Variants in NHSL2 observed in about 807,000 individuals in gnomAD.
NHSL2 encodes NHS like 2, also known as NHS-like protein 2.
NHSL2 carries 27 observed loss-of-function variants against 53.4 expected under a neutral mutation model. The observed-to-expected ratio is 0.51, with a 90% confidence interval of 0.37 to 0.70. The LOEUF is 0.70. Among genes scored for constraint, NHSL2 ranks in the 30% least tolerant of loss-of-function variants. The pLI is 0.00. For synonymous variants in NHSL2, 408 were observed against 404.1 expected (o/e 1.01, Z -0.12); for missense variants, 892 against 980.1 (o/e 0.91, Z 1.20).
Position 72,139,663 on chromosome X carries a change from C to G in NHSL2, c.2115C>G (p.Pro705=). The change falls in exon 6 of 8, where the codon CCC becomes CCG. Residue 705 remains proline (P), a synonymous_variant. Coordinates refer to ENST00000633930, the MANE Select transcript of NHSL2 (RefSeq NM_001013627.3). ...EAREISSPGR[P]PGLMSPSSGY... ...GGGAGATATCATCCCCGGGAAGGCC[C>G]CCTGGACTGATGTCACCCTCCAGTG... The G allele has an allele frequency of 8.3e-7, 1 of 1,211,295 alleles. No individual in the cohort carries two copies. The highest frequency in any genetic ancestry group is 1.7e-5 in the African/African-American group (1 of 57,689).
chrX:72,110,364 C>T (rs1282954161), intron 1 of NHSL2, among the ~76,000 whole-genome samples: 1 of 110,928 alleles, frequency 9.0e-6, no homozygotes, highest in Non-Finnish European at 1.9e-5. Flanking sequence ...CTGGGAGCTC[C>T]CTAAGGACAG....
chrX:72,126,690 T>TA (rs767989972), intron 1 of NHSL2, among the ~76,000 whole-genome samples: 1 of 111,697 alleles, frequency 9.0e-6, no homozygotes, highest in South Asian at 3.7e-4. Context: ...GAGGGCCTCT[T>TA]ACATGGACTG....
At chrX:72,126,782 C>G (rs2042230422) in intron 1 of NHSL2, among the ~76,000 whole-genome samples, 1 of 112,049 alleles carries the variant, frequency 8.9e-6, no homozygotes. Flanking sequence ...GAAGGGCCCT[C>G]CCCAGCCAAC....
chrX:72,007,635 A>G (rs1281375148), intron 1 of NHSL2, among the ~76,000 whole-genome samples: 1 of 113,232 alleles, frequency 8.8e-6, no homozygotes, highest in Non-Finnish European at 1.9e-5. Flanking sequence ...AGCTCATTTG[A>G]TCTTTACTGC....
intron 1 of NHSL2, chrX:72,131,375 A>T: frequency 3.3e-6 from 4 of 1,210,608 alleles, no homozygotes; most frequent in Non-Finnish European, 4.5e-6. Context: ...GGTACTGGCC[A>T]GCGGATGTAG....
rs1168721951 is a variant in NHSL2 at position 72,117,948 on chromosome X, G to A, written c.281-14131G>A. On this transcript the variant is annotated intron_variant, in intron 1 of 7. Transcript: ENST00000633930. The stretch of plus-strand genomic sequence containing the variant: ...TATGAACATTCATGTTCAAGTTTTT[G>A]TGTGGACATATGTTTCCAATTCTCT... Among the ~76,000 whole-genome samples the A allele has an allele frequency of 1.0e-4, 11 of 110,020 alleles. No homozygotes were observed. The East Asian group carries it at 3.1e-3, about 31-fold the overall frequency.
chrX:72,041,931 G>A (rs2042276307), intron 1 of NHSL2, among the ~76,000 whole-genome samples: 1 of 112,081 alleles, frequency 8.9e-6, no homozygotes, highest in African/African-American at 3.2e-5. Flanking sequence ...GAGGTCGTGC[G>A]CTCGGGAGCC....
At chrX:72,127,815 A>G (rs959698054) in intron 1 of NHSL2, 1 of 113,174 alleles carries the variant, frequency 8.8e-6, no homozygotes, top group African/African-American at 3.2e-5. Flanking sequence ...GAGAATGCTT[A>G]AATGAATTAT....
intron 1 of NHSL2, among the ~76,000 whole-genome samples, chrX:72,079,036 CTCTT>C (rs2041767859): frequency 8.9e-6 from 1 of 112,316 alleles, no homozygotes; most frequent in Non-Finnish European, 1.9e-5. Context: ...CACGCTGAGT[CTCTT>C]TCCACCCTGT....
At chrX:72,036,889 C>T (rs1275991764) in intron 1 of NHSL2, among the ~76,000 whole-genome samples, 1 of 110,942 alleles carries the variant, frequency 9.0e-6, no homozygotes, top group African/African-American at 3.3e-5. Flanking sequence ...TTATTTTTTT[C>T]AAGAGTATTT....
At chrX:72,028,787 G>A (rs2042199290) in intron 1 of NHSL2, among the ~76,000 whole-genome samples, 1 of 112,688 alleles carries the variant, frequency 8.9e-6, no homozygotes, top group Non-Finnish European at 1.9e-5. Context: ...GGATCCACAA[G>A]TTCAGCCTAA....
At chrX:71,940,087 T>A (rs952566211) in intron 1 of NHSL2, among the ~76,000 whole-genome samples, 1 of 111,747 alleles carries the variant, frequency 8.9e-6, no homozygotes, top group Admixed American at 9.5e-5. Flanking sequence ...CCTCAACATT[T>A]GTGGACAGAG....
At chrX:72,116,713 G>A (rs929069893) in intron 1 of NHSL2, among the ~76,000 whole-genome samples, 4 of 111,121 alleles carry the variant, frequency 3.6e-5, no homozygotes, top group Admixed American at 9.6e-5. Flanking sequence ...GGGAGGAGAC[G>A]TGAGCAAGAG....
chrX:71,933,589 C>G (rs2041723888), intron 1 of NHSL2, among the ~76,000 whole-genome samples: 2 of 111,666 alleles, frequency 1.8e-5, no homozygotes, highest in Non-Finnish European at 3.8e-5. Context: ...CATTTATTAG[C>G]TGTATGATCT....
In NHSL2 at chrX:72,139,042, A is replaced by G; in HGVS notation, c.1494A>G (p.Ser498=). 1 of 1,172,055 alleles carries G rather than the reference A, an allele frequency of 8.5e-7. No homozygotes were observed. Among genetic ancestry groups the G allele is most frequent in the Non-Finnish European group, 1.1e-6 (1 of 875,266 alleles). The change falls in exon 6 of 8, where the codon TCA becomes TCG. Residue 498 remains serine (S), a synonymous_variant. Coordinates refer to ENST00000633930, the MANE Select transcript of NHSL2 (RefSeq NM_001013627.3). ...PGGASRFRER[S]LSVPTDSGTT... The stretch of plus-strand genomic sequence containing the variant: ...GGGCCAGCAGATTCCGGGAGCGGTC[A>G]CTGTCTGTGCCCACAGACTCAGGCA...
intron 1 of NHSL2, among the ~76,000 whole-genome samples, chrX:72,021,412 G>A (rs754811096): frequency 3.5e-4 from 39 of 112,008 alleles, no homozygotes; most frequent in African/African-American, 1.1e-3. Flanking sequence ...ATCACTGGAC[G>A]TGTGTGCTTC....
chrX:71,925,380 CT>C (rs1161199911), intron 1 of NHSL2, among the ~76,000 whole-genome samples: 3 of 109,656 alleles, frequency 2.7e-5, no homozygotes, highest in Non-Finnish European at 5.7e-5. Context: ...TACATATTTT[CT>C]GAGTGACTAA....
intron 1 of NHSL2, among the ~76,000 whole-genome samples, chrX:71,950,794 TG>T (rs1421622679): frequency 9.0e-6 from 1 of 111,579 alleles, no homozygotes; most frequent in Non-Finnish European, 1.9e-5. Flanking sequence ...TTTCTGTGGG[TG>T]GGTGTCAGTC....
At chrX:71,984,163 C>T (rs2041992811) in intron 1 of NHSL2, among the ~76,000 whole-genome samples, 1 of 111,346 alleles carries the variant, frequency 9.0e-6, no homozygotes, top group Non-Finnish European at 1.9e-5. Context: ...ATATTCCTGT[C>T]TAACTATTAG....
Sources: gnomAD v4.1 joint callset for allele counts (sites outside exome capture counted in the v4.1 genomes callset) on GRCh38, gnomAD v4.1.1 for gene constraint, MANE v1.5 for transcripts, NCBI Gene and HGNC (gene_info 2026-07-23, HGNC 2026-07-21) for gene names.